The following PRP4K variants were observed in gnomAD, a reference collection of about 807,000 sequenced individuals.
The protein encoded by PRP4K is pre-mRNA processing factor kinase PRP4K.
At chr6:4,021,413 C>G in the PRP4K span, 91 of 1,580,030 alleles carry the variant, frequency 5.8e-5, no homozygotes, top group Non-Finnish European at 7.0e-5. Context: ...GCCGAGGAGT[C>G]AGGAAGTTCA....
chr6:4,022,118 C>T, the PRP4K span, among the ~76,000 whole-genome samples: 2 of 143,730 alleles, frequency 1.4e-5, no homozygotes, highest in African/African-American at 5.2e-5. Flanking sequence ...AAACTTGAGG[C>T]AAAGTAAGAT....
the PRP4K span, among the ~76,000 whole-genome samples, chr6:4,028,596 G>A: frequency 6.6e-6 from 1 of 152,124 alleles, no homozygotes; most frequent in Non-Finnish European, 1.5e-5. Context: ...TATTTGTCAT[G>A]TGTCTTCTCA....
At chr6:4,021,406 G>T in the PRP4K span, 2 of 1,575,738 alleles carry the variant, frequency 1.3e-6, no homozygotes, top group Non-Finnish European at 8.6e-7. Flanking sequence ...CACCGCCGCC[G>T]AGGAGTCAGG....
chr6:4,056,486 G>A, the PRP4K span: 49 of 1,610,224 alleles, frequency 3.0e-5, no homozygotes, highest in African/African-American at 1.3e-4. Flanking sequence ...GGTGGAAACC[G>A]CATACTTAAT....
At chr6:4,044,568 G>A in the PRP4K span, among the ~76,000 whole-genome samples, 5 of 151,936 alleles carry the variant, frequency 3.3e-5, no homozygotes, top group African/African-American at 4.8e-5. Flanking sequence ...GATGTGTTTC[G>A]ATCTGGTGCT....
At chr6:4,028,976 TATC>T in the PRP4K span, among the ~76,000 whole-genome samples, 5,286 of 151,208 alleles carry the variant, frequency 0.035, 132 homozygotes, top group Middle Eastern at 0.054. Flanking sequence ...AACCATATAT[TATC>T]TTGTTATCTC....
At chr6:4,032,474 T>C in the PRP4K span, 1 of 1,613,968 alleles carries the variant, frequency 6.2e-7, no homozygotes, top group Non-Finnish European at 8.5e-7. Flanking sequence ...GGTCTGAAAC[T>C]GATAAAGAAA....
the PRP4K span, among the ~76,000 whole-genome samples, chr6:4,029,023 T>TTTTTTTTTTTTTTTTA: frequency 9.0e-5 from 1 of 11,126 alleles, no homozygotes; most frequent in Admixed American, 1.0e-3. Flanking sequence ...TTTTTTTTTT[T>TTTTTTTTTTTTTTTTA]TTTTTTTTTT....
At chr6:4,045,200 A>C in the PRP4K span, among the ~76,000 whole-genome samples, 1 of 152,116 alleles carries the variant, frequency 6.6e-6, no homozygotes, top group Non-Finnish European at 1.5e-5. Context: ...TTCCAGAAAA[A>C]ACTTTGGCAC....
At chr6:4,029,313 C>T in the PRP4K span, among the ~76,000 whole-genome samples, 1 of 146,930 alleles carries the variant, frequency 6.8e-6, no homozygotes, top group Non-Finnish European at 1.5e-5. Context: ...TAATTCCTTA[C>T]TCATTCTCTA....
At chr6:4,037,403 A>G in the PRP4K span, 9 of 1,606,938 alleles carry the variant, frequency 5.6e-6, no homozygotes, top group Non-Finnish European at 7.6e-6. Flanking sequence ...TAAGAACACG[A>G]CCTCGAGATG....
At chr6:4,058,638 A>G in the PRP4K span, 3,444 of 938,538 alleles carry the variant, frequency 3.7e-3, 11 homozygotes, top group Middle Eastern at 0.019. Flanking sequence ...ACTAAATAAC[A>G]TACTTATTTG....
At chr6:4,044,858 T>TTAC in the PRP4K span, among the ~76,000 whole-genome samples, 1 of 116,904 alleles carries the variant, frequency 8.6e-6, no homozygotes. Context: ...ATTATTATTA[T>TTAC]TATTATTTTT....
chr6:4,032,563 G>A, the PRP4K span: 1 of 1,613,576 alleles, frequency 6.2e-7, no homozygotes, highest in South Asian at 1.1e-5. Flanking sequence ...CCTGGTCGTA[G>A]TCCTAAAAGA....
the PRP4K span, among the ~76,000 whole-genome samples, chr6:4,028,813 T>G: frequency 6.6e-6 from 1 of 152,026 alleles, no homozygotes; most frequent in Non-Finnish European, 1.5e-5. Flanking sequence ...AATTAGTAAC[T>G]TCTCAGTCAT....
chr6:4,057,298 G>A, the PRP4K span: 1 of 1,076,556 alleles, frequency 9.3e-7, no homozygotes, highest in Non-Finnish European at 1.3e-6. Context: ...CAGAAAGGTG[G>A]GTAGATGGCT....
chr6:4,047,976 A>G, the PRP4K span, among the ~76,000 whole-genome samples: 405 of 151,830 alleles, frequency 2.7e-3, no homozygotes, highest in African/African-American at 6.9e-3. Flanking sequence ...CTATAAATGA[A>G]TTAGGAGAGG....
chr6:4,054,894 G>C, the PRP4K span, among the ~76,000 whole-genome samples: 4,866 of 152,292 alleles, frequency 0.032, 260 homozygotes, highest in African/African-American at 0.11. Flanking sequence ...TGTGACCATT[G>C]TGGAGGTTAA....
the PRP4K span, among the ~76,000 whole-genome samples, chr6:4,029,478 AT>A: frequency 6.7e-6 from 1 of 149,958 alleles, no homozygotes; most frequent in Non-Finnish European, 1.5e-5. Flanking sequence ...TGAATAGCTA[AT>A]TTTTTTTATT....
Sources: gnomAD v4.1 joint callset for allele counts (sites outside exome capture counted in the v4.1 genomes callset) on GRCh38, gnomAD v4.1.1 for gene constraint, MANE v1.5 for transcripts, NCBI Gene and HGNC (gene_info 2026-07-23, HGNC 2026-07-21) for gene names.